ARHGEF4: variants seen among roughly 807,000 people sequenced by gnomAD.
ARHGEF4 encodes APC-stimulated guanine nucleotide exchange factor 1.
In ARHGEF4, 119 loss-of-function variants were observed where a neutral mutation model predicts 162.0. The observed-to-expected ratio is 0.73, with a 90% CI of 0.63 to 0.86. The LOEUF (loss-of-function observed/expected upper bound fraction) is 0.86. Ranked by LOEUF, ARHGEF4 falls within the 40% of genes least tolerant of loss-of-function variation. ARHGEF4 has a pLI of 0.00. For synonymous variants in ARHGEF4, 1,014 were observed against 979.9 expected (o/e 1.03, Z -0.65); for missense variants, 2,488 against 2,456.0 (o/e 1.01, Z -0.28).
chr2:130,872,934 C>T (rs737709), intron 1 of ARHGEF4, among the ~76,000 whole-genome samples: 12,221 of 152,232 alleles, frequency 0.08, 1,206 homozygotes, highest in African/African-American at 0.23. Flanking sequence ...ATCCACATGC[C>T]TACCTGGGGC....
rs192437757 is a variant in ARHGEF4, at chr2:130,881,672, C to T, written c.40-32314C>T. Among the ~76,000 whole-genome samples the T allele has an allele frequency of 9.9e-4, 151 of 152,182 alleles. 2 individuals are homozygous for T. The highest frequency in any genetic ancestry group is 3.2e-3 in the African/African-American group (134 of 41,454). On this transcript the variant is annotated intron_variant, in intron 1 of 13. Coordinates refer to ENST00000409359, the MANE Select transcript of ARHGEF4 (RefSeq NM_001367493.1). ...CAAGGTTTTGCTATAGTGAATGCTT[C>T]GGGAGATGTAAGGAGGGAGCGCTCA...
intron 1 of ARHGEF4, among the ~76,000 whole-genome samples, chr2:130,880,768 T>A (rs1279570220): frequency 1.3e-5 from 2 of 152,102 alleles, no homozygotes; most frequent in Non-Finnish European, 2.9e-5. Flanking sequence ...CTCCTGGGCT[T>A]AAGCAGTCAT....
chr2:130,913,086 G>A (rs1252892131), intron 1 of ARHGEF4, among the ~76,000 whole-genome samples: 5 of 152,062 alleles, frequency 3.3e-5, no homozygotes, highest in African/African-American at 9.7e-5. Context: ...TTCAGGCATC[G>A]GCTGGGGGTC....
chr2:130,838,412 C>A (rs1417188245), intron 1 of ARHGEF4, among the ~76,000 whole-genome samples: 1 of 152,076 alleles, frequency 6.6e-6, no homozygotes, highest in Non-Finnish European at 1.5e-5. Context: ...TCGAGACCAG[C>A]CTGGCCAACA....
At chr2:130,897,629 GTGCCCACTACT>G (rs1680239004) in intron 1 of ARHGEF4, among the ~76,000 whole-genome samples, 1 of 152,196 alleles carries the variant, frequency 6.6e-6, no homozygotes, top group African/African-American at 2.4e-5. Context: ...TATTTGTTGA[GTGCCCACTACT>G]TGCCGGCATT....
intron 1 of ARHGEF4, among the ~76,000 whole-genome samples, chr2:130,875,987 C>G (rs1167141874): frequency 6.6e-6 from 1 of 152,234 alleles, no homozygotes; most frequent in African/African-American, 2.4e-5. Flanking sequence ...TAACTCCCAT[C>G]ACGCCGCTTC....
Position 131,028,007 on chromosome 2 carries a change from C to G in ARHGEF4, c.4048C>G (p.Leu1350Val). 1.2e-6 allele frequency: 2 copies of G among 1,614,108 alleles called. No homozygotes were observed. The highest frequency in any genetic ancestry group is 1.7e-6 in the Non-Finnish European group (2 of 1,180,032). The change falls in exon 5 of 14, where the codon CTG becomes GTG. Residue 1350 changes from leucine to valine, a missense_variant. By Grantham distance (32) the Leu-to-Val change is conservative. Coordinates refer to ENST00000409359, the MANE Select transcript of ARHGEF4 (RefSeq NM_001367493.1). Reference protein sequence around the residue: ...CADEVGSEEDLYDDLHSSSHH... With the variant: ...CADEVGSEEDVYDDLHSSSHH... Reference sequence around the variant, plus strand: ...TGACGAAGTGGGGAGCGAGGAGGACCTGTATGATGACCTGCACAGCTCCAG... The same window carrying G: ...TGACGAAGTGGGGAGCGAGGAGGACGTGTATGATGACCTGCACAGCTCCAG...
chr2:130,932,300 A>ACATCCATTCCTGAGTAGCTCTT (rs1368711246), intron 3 of ARHGEF4, among the ~76,000 whole-genome samples: 6 of 152,296 alleles, frequency 3.9e-5, no homozygotes, highest in South Asian at 2.1e-4. Flanking sequence ...GTTCATCCAT[A>ACATCCATTCCTGAGTAGCTCTT]CATCCATTCC....
In ARHGEF4 at chr2:130,911,269, C is replaced by G. The variant is rs1170776852; in HGVS notation, c.40-2717C>G. On this transcript the variant is annotated intron_variant, in intron 1 of 13. Coordinates refer to ENST00000409359, the MANE Select transcript of ARHGEF4 (RefSeq NM_001367493.1). Reference sequence around the variant, plus strand: ...CAGGAGACAGGCTCAGCATCTTGCCCTAAAGCCTCATCTAGTTATAGAATA... The same window carrying G: ...CAGGAGACAGGCTCAGCATCTTGCCGTAAAGCCTCATCTAGTTATAGAATA... 3.3e-5 allele frequency among the ~76,000 whole-genome samples: 5 copies of G among 152,286 alleles called. No individual in the cohort carries two copies. The East Asian group carries it at 9.7e-4, about 29-fold the overall frequency.
intron 5 of ARHGEF4, chr2:131,035,347 G>A (rs1200731914): frequency 1.8e-6 from 2 of 1,112,230 alleles, no homozygotes; most frequent in Non-Finnish European, 2.2e-6. Flanking sequence ...CGCACTGGTC[G>A]CGGAGGGAAG....
chr2:131,015,468 T>G (rs562546869), intron 4 of ARHGEF4, among the ~76,000 whole-genome samples: 11 of 152,232 alleles, frequency 7.2e-5, no homozygotes, highest in Non-Finnish European at 1.5e-4. Flanking sequence ...AAATGTGCCA[T>G]GCTAGTGTGA....
rs139396765 is a variant in ARHGEF4, at chr2:130,896,232, C to G, written c.40-17754C>G. On this transcript the variant is annotated intron_variant, in intron 1 of 13. Coordinates refer to ENST00000409359, the MANE Select transcript of ARHGEF4 (RefSeq NM_001367493.1). ...TCTTACATAAATGTTAATACATGAA[C>G]TTTTGTTCTTTCTGTTGTTCTAGAA... Among the ~76,000 whole-genome samples, 63 of 152,196 alleles carry G rather than the reference C, an allele frequency of 4.1e-4. No individual in the cohort carries two copies. The East Asian group carries it at 0.011, about 27-fold the overall frequency.
Position 130,916,873 on chromosome 2 carries a change from C to T in ARHGEF4, c.2927C>T (p.Pro976Leu), listed in dbSNP as rs533742855. The T allele has an allele frequency of 6.4e-7, 1 of 1,550,408 alleles. No individual in the cohort carries two copies. Among genetic ancestry groups the T allele is most frequent in the Non-Finnish European group, 8.7e-7 (1 of 1,146,982 alleles). ...ACCCTAGTGAGTCTGCCTCTAGGAC[C>T]CGAAGTTCTCTCCCCAGCAGAGACC... ...KPTLVSLPLG[P>L]EVLSPAETDS... is the part of the protein sequence containing the mutation. Residue 976 changes from proline to leucine, a missense_variant, in exon 2 of 14, where the codon CCC becomes CTC. Physicochemically the swap from Pro to Leu is moderately conservative, Grantham distance 98. Around this residue, in one of 6 missense-constraint regions of ARHGEF4, gnomAD observed 1,642 missense variants for 1,481.5 expected, o/e 1.11. Coordinates refer to ENST00000409359, the MANE Select transcript of ARHGEF4 (RefSeq NM_001367493.1).
rs1325099111 is a variant in ARHGEF4, at chr2:130,916,567, C to G, written c.2621C>G (p.Ala874Gly). The G allele has an allele frequency of 3.2e-6, 5 of 1,550,248 alleles. No homozygotes were observed. The highest frequency in any genetic ancestry group is 4.4e-6 in the Non-Finnish European group (5 of 1,146,870). ...AGDRTAGPAG[A>G]GHTGTSGDLG... ...GACAGGACTGCAGGGCCGGCAGGAG[C>G]GGGGCACACGGGGACCTCAGGGGAT... Residue 874 changes from alanine (A) to glycine (G), a missense_variant, in exon 2 of 14, where the codon GCG becomes GGG. Around this residue, in one of 6 missense-constraint regions of ARHGEF4, gnomAD observed 1,642 missense variants for 1,481.5 expected, o/e 1.11. Transcript: ENST00000409359.
chr2:130,857,072 A>T (rs1229679138), intron 1 of ARHGEF4, among the ~76,000 whole-genome samples: 1 of 152,038 alleles, frequency 6.6e-6, no homozygotes, highest in East Asian at 1.9e-4. Flanking sequence ...AAAAAATAAT[A>T]ATACAAAAAA....
In ARHGEF4 at chr2:131,038,912, C is replaced by T. The variant is rs766644569; in HGVS notation, c.4185C>T (p.Asp1395=). 3.6e-5 allele frequency: 58 copies of T among 1,613,520 alleles called. No homozygotes were observed. Among genetic ancestry groups the T allele is most frequent in the Admixed American group, 1.2e-4 (7 of 59,998 alleles). The part of the protein sequence containing the change: ...AEALWDHVTM[D]DQELGFKAGD... ...CACTCTGGGACCATGTCACCATGGACGACCAGGAGCTGGGCTTCAAAGCTG... is the reference window on the plus strand; with the variant it reads ...CACTCTGGGACCATGTCACCATGGATGACCAGGAGCTGGGCTTCAAAGCTG... The change falls in exon 6 of 14, where the codon GAC becomes GAT. Residue 1395 remains aspartate (D), a synonymous_variant. Coordinates refer to ENST00000409359, the MANE Select transcript of ARHGEF4 (RefSeq NM_001367493.1).
At chr2:130,843,930 C>T (rs951336058) in intron 1 of ARHGEF4, among the ~76,000 whole-genome samples, 2 of 152,216 alleles carry the variant, frequency 1.3e-5, no homozygotes, top group African/African-American at 4.8e-5. Flanking sequence ...GGGTGGAGCA[C>T]AGCCCTGCTC....
intron 1 of ARHGEF4, among the ~76,000 whole-genome samples, chr2:130,840,325 A>G (rs1680522335): frequency 6.6e-6 from 1 of 152,206 alleles, no homozygotes; most frequent in Non-Finnish European, 1.5e-5. Flanking sequence ...GGGACAGCAC[A>G]GCTGATGAGA....
intron 1 of ARHGEF4, 108 bp downstream of exon 1, chr2:130,837,100 C>T: frequency 1.9e-6 from 2 of 1,062,796 alleles, no homozygotes; most frequent in Non-Finnish European, 2.4e-6. Context: ...CCCTGGGCAC[C>T]CGGTGGGTGG....
Sources: gnomAD v4.1 joint callset for allele counts (sites outside exome capture counted in the v4.1 genomes callset) on GRCh38, gnomAD v4.1.1 for gene constraint, gnomAD v4.1.1 regional missense constraint, MANE v1.5 for transcripts, NCBI Gene and HGNC (gene_info 2026-07-23, HGNC 2026-07-21) for gene names.